Variants in TAF3 observed in about 807,000 individuals in gnomAD.
TAF3 encodes the protein TATA-box binding protein associated factor 3, also known as transcription initiation factor TFIID subunit 3.
TAF3 carries 7 observed loss-of-function variants against 80.6 expected under a neutral mutation model. The observed-to-expected ratio is 0.09, with a 90% CI of 0.05 to 0.16. TAF3 has a LOEUF of 0.16. TAF3 is among the 10% of genes least tolerant of loss of function. The probability of loss-of-function intolerance (pLI) is 1.00; values close to 1 mark genes in which losing one functional copy is unlikely to be tolerated. For missense variants in TAF3, 921 were observed against 1,140.2 expected (o/e 0.81, Z 2.77); for synonymous variants, 444 against 446.1 (o/e 1.00, Z 0.06).
intron 2 of TAF3, among the ~76,000 whole-genome samples, chr10:7,903,630 G>A (rs1173266988): frequency 2.6e-5 from 4 of 152,184 alleles, no homozygotes; most frequent in Non-Finnish European, 5.9e-5. Flanking sequence ...ATGCAGTTTA[G>A]CATTGCACCA....
rs754349316 is a variant in TAF3, at chr10:8,013,867, AC to A, written c.2675+31del. ...GTGCCCAGGGCGCCCTGCCGGCCACACTCATTAGGCAGCATCAGCCGCTCCT... is the reference window on the plus strand; with the variant it reads ...GTGCCCAGGGCGCCCTGCCGGCCACATCATTAGGCAGCATCAGCCGCTCCT... On this transcript the variant is annotated intron_variant, in intron 6 of 6. Transcript: ENST00000344293. 3 of 1,580,482 alleles carry A rather than the reference AC, an allele frequency of 1.9e-6. No individual in the cohort carries two copies. The African/African-American group carries it at 4.0e-5, about 21-fold the overall frequency.
intron 2 of TAF3, among the ~76,000 whole-genome samples, chr10:7,950,377 G>A (rs747342003): frequency 2.0e-5 from 3 of 152,054 alleles, no homozygotes; most frequent in East Asian, 1.9e-4. Flanking sequence ...CCAGAAGTTC[G>A]GAGAATAATT....
chr10:7,849,924 A>C (rs190183438), intron 2 of TAF3, among the ~76,000 whole-genome samples: 146 of 151,970 alleles, frequency 9.6e-4, no homozygotes, highest in African/African-American at 3.3e-3. Flanking sequence ...CGGGCAGTCT[A>C]CTCACCTTGG....
chr10:7,952,966 T>C (rs1342203103), intron 2 of TAF3, among the ~76,000 whole-genome samples: 1 of 152,228 alleles, frequency 6.6e-6, no homozygotes, highest in Non-Finnish European at 1.5e-5. Flanking sequence ...CTAGAAGATA[T>C]AATGATGAAG....
chr10:7,858,410 T>TA (rs888628458), intron 2 of TAF3, among the ~76,000 whole-genome samples: 10 of 152,316 alleles, frequency 6.6e-5, no homozygotes, highest in African/African-American at 2.4e-4. Flanking sequence ...TCCTGGATGA[T>TA]ACAATCGTTT....
At chr10:7,974,038 G>A (rs1032261268) in intron 3 of TAF3, among the ~76,000 whole-genome samples, 1 of 152,074 alleles carries the variant, frequency 6.6e-6, no homozygotes, top group Non-Finnish European at 1.5e-5. Flanking sequence ...TGAGGCAGGA[G>A]AATCACTTAA....
intron 2 of TAF3, among the ~76,000 whole-genome samples, chr10:7,933,494 G>GT (rs1837888559): frequency 1.3e-5 from 2 of 152,202 alleles, no homozygotes; most frequent in Admixed American, 6.5e-5. Flanking sequence ...GAAGGTGACT[G>GT]TTTCAGTTGT....
At position 7,863,626 on chromosome 10, in the gene TAF3, A is replaced by AAAAAT. The variant is rs1218836662; in HGVS notation, c.409+39067_409+39068insAAATA. Among the ~76,000 whole-genome samples, 57 of 48,090 alleles carry AAAAAT rather than the reference A, an allele frequency of 1.2e-3. 4 individuals carry two copies. The highest frequency in any genetic ancestry group is 1.3e-3 in the African/African-American group (17 of 12,904). The allele number at this position is 48,090 out of a possible 152,430, so 31.5% of individuals were successfully genotyped here. The stretch of plus-strand genomic sequence containing the variant: ...CTCTGTCTAAAAAAAAAAAAAAAAA[A>AAAAAT]ATATATATATATATATATATACACA... On this transcript the variant is annotated intron_variant, in intron 2 of 6. Transcript: ENST00000344293.
intron 2 of TAF3, among the ~76,000 whole-genome samples, chr10:7,919,608 A>G (rs760759769): frequency 6.6e-6 from 1 of 152,170 alleles, no homozygotes; most frequent in Non-Finnish European, 1.5e-5. Flanking sequence ...AGAATCCTCA[A>G]ATGCTCAAGT....
intron 4 of TAF3, among the ~76,000 whole-genome samples, chr10:7,989,335 G>C (rs1045708698): frequency 4.6e-5 from 7 of 152,178 alleles, no homozygotes; most frequent in African/African-American, 1.7e-4. Flanking sequence ...AAGGCAAATG[G>C]GTGCTGTGTA....
chr10:7,950,085 G>A (rs1838067210), intron 2 of TAF3, among the ~76,000 whole-genome samples: 1 of 152,186 alleles, frequency 6.6e-6, no homozygotes, highest in Non-Finnish European at 1.5e-5. Context: ...CTGTAATGGT[G>A]GTTTAGCAGC....
intron 2 of TAF3, among the ~76,000 whole-genome samples, chr10:7,923,582 C>CAA (rs139803422): frequency 7.4e-5 from 10 of 135,408 alleles, no homozygotes; most frequent in African/African-American, 1.6e-4. Context: ...TGCTGTATAG[C>CAA]AAAAAAACAA....
intron 2 of TAF3, among the ~76,000 whole-genome samples, chr10:7,943,633 G>A (rs1004929084): frequency 2.0e-5 from 3 of 152,150 alleles, no homozygotes; most frequent in African/African-American, 7.2e-5. Context: ...TGAGCTCAAG[G>A]CATACAGATG....
At chr10:7,900,603 C>G (rs1035548975) in intron 2 of TAF3, among the ~76,000 whole-genome samples, 1 of 152,188 alleles carries the variant, frequency 6.6e-6, no homozygotes, top group African/African-American at 2.4e-5. Context: ...GAAATCGAAT[C>G]TCAACTAGGA....
At chr10:7,852,620 T>G (rs1837039451) in intron 2 of TAF3, among the ~76,000 whole-genome samples, 1 of 152,240 alleles carries the variant, frequency 6.6e-6, no homozygotes, top group African/African-American at 2.4e-5. Context: ...CAAGACTACT[T>G]CATAGCTGGG....
At chr10:7,898,142 A>T (rs748342678) in intron 2 of TAF3, among the ~76,000 whole-genome samples, 6 of 152,250 alleles carry the variant, frequency 3.9e-5, no homozygotes, top group Non-Finnish European at 7.3e-5. Context: ...AAGTAATAGA[A>T]TATGGAAGTA....
chr10:7,886,132 T>C (rs951683240), intron 2 of TAF3, among the ~76,000 whole-genome samples: 8 of 152,108 alleles, frequency 5.3e-5, no homozygotes, highest in Non-Finnish European at 1.2e-4. Flanking sequence ...TCTCACTATG[T>C]TGCCTGGGCT....
rs1832024765 is a variant in TAF3 at position 8,009,033 on chromosome 10, T to TGA, written c.2316-44_2316-43dup. The stretch of plus-strand genomic sequence containing the variant: ...GTTTTTAAGCACGGGTTTGGTTCGA[T>TGA]GATGATCCTGTTTTGACTTTTACCT... On this transcript the variant is annotated intron_variant, in intron 4 of 6. Transcript: ENST00000344293. This position sits in a 1 kb window ranked among gnomAD's most constrained non-coding sequence, Gnocchi z 4.1. 2 of 1,567,526 alleles carry TGA rather than the reference T, an allele frequency of 1.3e-6. No individual in the cohort carries two copies. The highest frequency in any genetic ancestry group is 2.7e-5 in the African/African-American group (2 of 73,326).
chr10:7,825,769 C>T (rs1382381185), intron 2 of TAF3, among the ~76,000 whole-genome samples: 2 of 152,122 alleles, frequency 1.3e-5, no homozygotes, highest in African/African-American at 4.8e-5. Context: ...TTGTTTCAAC[C>T]TTTTGGCTCT....
Sources: gnomAD v4.1 joint callset for allele counts (sites outside exome capture counted in the v4.1 genomes callset) on GRCh38, gnomAD v4.1.1 for gene constraint, Gnocchi (gnomAD v3.1) non-coding constraint, MANE v1.5 for transcripts, NCBI Gene and HGNC (gene_info 2026-07-23, HGNC 2026-07-21) for gene names.